Variants in LRRIQ3 observed in about 807,000 individuals in gnomAD.
The protein encoded by LRRIQ3 is leucine-rich repeat and IQ domain-containing protein 3.
LRRIQ3 carries 75 observed loss-of-function variants against 59.3 expected under a neutral mutation model. That is an observed-to-expected ratio of 1.26 (90% CI 1.05 to 1.53). The LOEUF (loss-of-function observed/expected upper bound fraction) is 1.53, where lower values mean the gene tolerates loss of function less well. LRRIQ3 is among the 40% of genes most tolerant of loss of function. The pLI, the probability that LRRIQ3 is intolerant of heterozygous loss-of-function variation, is 0.00. For missense variants in LRRIQ3, 831 were observed against 710.0 expected, an observed-to-expected ratio of 1.17 and a Z score of -1.94; for synonymous variants, 250 against 231.3, an observed-to-expected ratio of 1.08 and a Z score of -0.73.
At chr1:74,188,372 A>C (rs1650545553) in intron 1 of LRRIQ3, among the ~76,000 whole-genome samples, 1 of 152,178 alleles carries the variant, frequency 6.6e-6, no homozygotes, top group African/African-American at 2.4e-5. Flanking sequence ...CCCTGAAACA[A>C]GATTACCTAT....
At chr1:74,158,542 A>G (rs958796592) in intron 3 of LRRIQ3, among the ~76,000 whole-genome samples, 5 of 152,130 alleles carry the variant, frequency 3.3e-5, no homozygotes, top group African/African-American at 1.2e-4. Context: ...CCTTCCCCCA[A>G]GAAGACTTTC....
intron 3 of LRRIQ3, among the ~76,000 whole-genome samples, chr1:74,166,204 A>G (rs1212895165): frequency 6.6e-6 from 1 of 151,600 alleles, no homozygotes; most frequent in Non-Finnish European, 1.5e-5. Context: ...TCTTTTGTGA[A>G]TTTTAAAACT....
At chr1:74,148,998 G>T (rs553880640) in intron 4 of LRRIQ3, among the ~76,000 whole-genome samples, 1 of 151,490 alleles carries the variant, frequency 6.6e-6, no homozygotes, top group African/African-American at 2.4e-5. Context: ...TAATATAAGT[G>T]ATTTTCTAAT....
intron 3 of LRRIQ3, among the ~76,000 whole-genome samples, chr1:74,176,600 A>G (rs1316377527): frequency 6.6e-6 from 1 of 151,792 alleles, no homozygotes; most frequent in Non-Finnish European, 1.5e-5. Context: ...TATATCTTTT[A>G]TTATAATTCC....
chr1:74,126,086 TG>T (rs1646931936), intron 4 of LRRIQ3, among the ~76,000 whole-genome samples: 1 of 151,876 alleles, frequency 6.6e-6, no homozygotes, highest in African/African-American at 2.4e-5. Context: ...CTTAGTAAGT[TG>T]TATGTGTATA....
At chr1:74,180,786 C>T in intron 3 of LRRIQ3, 1 of 1,549,812 alleles carries the variant, frequency 6.5e-7, no homozygotes, top group East Asian at 2.4e-5. Context: ...TAAAATAAGA[C>T]TAACATTTTT....
chr1:74,044,838 A>G (rs1654153944), intron 6 of LRRIQ3, among the ~76,000 whole-genome samples: 1 of 152,198 alleles, frequency 6.6e-6, no homozygotes, highest in Non-Finnish European at 1.5e-5. Context: ...AAACACCTCT[A>G]TGCAAATAAA....
intron 6 of LRRIQ3, among the ~76,000 whole-genome samples, chr1:74,056,146 AAAATAAATAAATAAATAAAT>A (rs34325293): frequency 7.7e-5 from 11 of 142,578 alleles, no homozygotes; most frequent in African/African-American, 2.4e-4. Flanking sequence ...ATCTGTCTCA[AAAATAAATAAATAAATAAAT>A]AAATAAATAA....
chr1:74,072,283 A>G (rs1655047842), intron 6 of LRRIQ3, among the ~76,000 whole-genome samples: 1 of 152,108 alleles, frequency 6.6e-6, no homozygotes. Context: ...GAATGAAGAT[A>G]CAAAAGTGTG....
chr1:74,061,140 A>T (rs1654710950), intron 6 of LRRIQ3, among the ~76,000 whole-genome samples: 1 of 152,154 alleles, frequency 6.6e-6, no homozygotes. Context: ...CTCCAACAAC[A>T]TCCATGCTGA....
intron 6 of LRRIQ3, among the ~76,000 whole-genome samples, chr1:74,047,779 T>G (rs1292108582): frequency 6.6e-6 from 1 of 152,064 alleles, no homozygotes; most frequent in Non-Finnish European, 1.5e-5. Flanking sequence ...GTTTATAAGC[T>G]ACCCAGTTTA....
At chr1:74,126,287 T>A (rs541798009) in intron 4 of LRRIQ3, among the ~76,000 whole-genome samples, 37 of 151,944 alleles carry the variant, frequency 2.4e-4, no homozygotes, top group Non-Finnish European at 4.9e-4. Context: ...ATTATATTTA[T>A]CTTTTAACCA....
At chr1:74,088,939 A>G (rs2100512534) in intron 5 of LRRIQ3, among the ~76,000 whole-genome samples, 1 of 152,232 alleles carries the variant, frequency 6.6e-6, no homozygotes, top group East Asian at 1.9e-4. Context: ...TTGTATCAAG[A>G]ATATGTAAAG....
intron 7 of LRRIQ3, 139 bp downstream of exon 7, chr1:74,041,074 T>A: frequency 1.4e-6 from 1 of 695,692 alleles, no homozygotes; most frequent in South Asian, 2.4e-5. Flanking sequence ...TAGTATATTA[T>A]TTGTTCTTTG....
At chr1:74,183,792 A>T in intron 1 of LRRIQ3, 108 bp from the exon 2 acceptor site, 1 of 947,910 alleles carries the variant, frequency 1.1e-6, no homozygotes, top group Non-Finnish European at 1.5e-6. Flanking sequence ...GTGTTATTAA[A>T]GTTAAAATTT....
intron 3 of LRRIQ3, among the ~76,000 whole-genome samples, chr1:74,157,205 C>T (rs1227186930): frequency 6.6e-6 from 1 of 152,062 alleles, no homozygotes; most frequent in Non-Finnish European, 1.5e-5. Flanking sequence ...AAACACTCTG[C>T]TTCTTTTTTC....
intron 3 of LRRIQ3, among the ~76,000 whole-genome samples, chr1:74,169,696 T>C (rs904705071): frequency 3.3e-5 from 5 of 151,998 alleles, no homozygotes; most frequent in African/African-American, 1.2e-4. Context: ...AGACTACAAG[T>C]GCACGCCACA....
At chr1:74,092,255 T>A (rs1435263888) in intron 5 of LRRIQ3, among the ~76,000 whole-genome samples, 3 of 152,130 alleles carry the variant, frequency 2.0e-5, no homozygotes, top group African/African-American at 7.2e-5. Flanking sequence ...AATAGTTCCA[T>A]AATATCAGTC....
At position 74,060,528 on chromosome 1, in the gene LRRIQ3, A is replaced by AT. The variant is rs776418801; in HGVS notation, c.997+14132dup. Among the ~76,000 whole-genome samples the AT allele has an allele frequency of 3.7e-3, 562 of 152,140 alleles. 5 individuals are homozygous for AT. The highest frequency in any genetic ancestry group is 6.5e-3 in the Non-Finnish European group (443 of 68,008). ...CTGCTTTAGCTGAAACTCATAAGTT[A>AT]TTTTTGTTTTCACTTACCTATCTAT... On this transcript the variant is annotated intron_variant, in intron 6 of 7. Transcript: ENST00000354431.
Sources: allele counts gnomAD v4.1 joint callset (sites outside exome capture counted in the v4.1 genomes callset), GRCh38; gene constraint gnomAD v4.1.1; transcripts MANE v1.5; gene names NCBI Gene and HGNC (gene_info 2026-07-23, HGNC 2026-07-21).